The following SYN3 variants were observed in gnomAD, a reference collection of about 807,000 sequenced individuals.
SYN3 encodes synapsin-3.
In SYN3, 35 loss-of-function variants were observed where a neutral mutation model predicts 65.8. That is an observed-to-expected ratio of 0.53 (90% CI 0.41 to 0.70). SYN3 has a LOEUF of 0.70. Ranked by LOEUF, SYN3 falls within the 30% of genes least tolerant of loss-of-function variation. SYN3 has a pLI of 0.00. For missense variants in SYN3, 680 were observed against 749.0 expected, an observed-to-expected ratio of 0.91 and a Z score of 1.08; for synonymous variants, 270 against 292.9, an observed-to-expected ratio of 0.92 and a Z score of 0.80.
chr22:32,984,475 C>T (rs2052467171), intron 2 of SYN3, among the ~76,000 whole-genome samples: 1 of 152,202 alleles, frequency 6.6e-6, no homozygotes, highest in South Asian at 2.1e-4. Context: ...TTCCCCTCCC[C>T]AAATGGTTGT....
intron 6 of SYN3, among the ~76,000 whole-genome samples, chr22:32,641,047 C>T (rs977250148): frequency 4.6e-5 from 7 of 152,164 alleles, no homozygotes; most frequent in Admixed American, 2.6e-4. Context: ...TGCAGCAAAA[C>T]GGGGGTGACC....
chr22:32,980,723 G>C (rs1157713892), intron 2 of SYN3, 21 bp from the exon 3 acceptor site: 2 of 1,612,050 alleles, frequency 1.2e-6, no homozygotes, highest in Non-Finnish European at 1.7e-6. Flanking sequence ...GAAGAAATCA[G>C]CTGAGTAAGG....
intron 6 of SYN3, among the ~76,000 whole-genome samples, chr22:32,824,456 T>C (rs946818316): frequency 6.6e-6 from 1 of 151,998 alleles, no homozygotes; most frequent in Non-Finnish European, 1.5e-5. Context: ...CGTAGTCATA[T>C]AGGGACTGGC....
At chr22:32,634,324 C>T (rs532579046) in intron 6 of SYN3, among the ~76,000 whole-genome samples, 9 of 152,258 alleles carry the variant, frequency 5.9e-5, no homozygotes, top group South Asian at 2.1e-4. Flanking sequence ...AACCACTAGA[C>T]GATAGCATCT....
intron 2 of SYN3, among the ~76,000 whole-genome samples, chr22:32,998,789 A>AAC (rs1277564455): frequency 1.4e-5 from 2 of 141,462 alleles, no homozygotes; most frequent in African/African-American, 5.0e-5. Flanking sequence ...AAAAAAAAAA[A>AAC]AAAAAAAAAA....
At chr22:32,549,535 T>A (rs1222395180) in intron 7 of SYN3, among the ~76,000 whole-genome samples, 2 of 152,156 alleles carry the variant, frequency 1.3e-5, no homozygotes, top group African/African-American at 4.8e-5. Context: ...TTACAGACAT[T>A]AGTCACCATG....
intron 10 of SYN3, chr22:32,530,249 G>A (rs372317785): frequency 1.2e-4 from 18 of 152,206 alleles, no homozygotes; most frequent in African/African-American, 2.2e-4. Flanking sequence ...ACTAAGAAGC[G>A]CCGTATTTTA....
intron 7 of SYN3, among the ~76,000 whole-genome samples, chr22:32,586,054 G>GTA (rs2059031757): frequency 8.1e-6 from 1 of 123,954 alleles, no homozygotes; most frequent in African/African-American, 3.3e-5. Flanking sequence ...GTATATATGT[G>GTA]TATATGTATA....
chr22:32,531,273 G>A (rs1380240670), intron 10 of SYN3, among the ~76,000 whole-genome samples: 1 of 151,434 alleles, frequency 6.6e-6, no homozygotes, highest in East Asian at 1.9e-4. Context: ...GACAGGGACA[G>A]TCTCTCAGTC....
intron 6 of SYN3, among the ~76,000 whole-genome samples, chr22:32,691,751 T>G (rs2060664040): frequency 6.6e-6 from 1 of 151,450 alleles, no homozygotes; most frequent in Admixed American, 6.6e-5. Context: ...AAGCCAAGTA[T>G]AAGTGAGGCA....
intron 6 of SYN3, among the ~76,000 whole-genome samples, chr22:32,661,448 G>T (rs2060215339): frequency 6.6e-6 from 1 of 152,262 alleles, no homozygotes; most frequent in Non-Finnish European, 1.5e-5. Flanking sequence ...GCACATCAAT[G>T]GGGGAATTGT....
chr22:32,824,117 A>C (rs1464014740), intron 6 of SYN3, among the ~76,000 whole-genome samples: 1 of 151,934 alleles, frequency 6.6e-6, no homozygotes, highest in African/African-American at 2.4e-5. Context: ...TCTCTACTAA[A>C]AATACAAAAA....
At chr22:32,565,125 A>ACTGCACCCAAACAGTGCTCCCGGG (rs2058654010) in intron 7 of SYN3, among the ~76,000 whole-genome samples, 1 of 151,264 alleles carries the variant, frequency 6.6e-6, no homozygotes, top group African/African-American at 2.4e-5. Flanking sequence ...GTGCTCCCGG[A>ACTGCACCCAAACAGTGCTCCCGGG]CTGCACCCAA....
intron 7 of SYN3, among the ~76,000 whole-genome samples, chr22:32,546,980 G>GT (rs571571804): frequency 6.6e-6 from 1 of 150,398 alleles, no homozygotes; most frequent in East Asian, 2.0e-4. Context: ...ACTCTGTTTT[G>GT]TTTTTTTGTT....
chr22:32,872,730 A>C (rs749166035), intron 4 of SYN3, among the ~76,000 whole-genome samples: 10 of 152,100 alleles, frequency 6.6e-5, no homozygotes, highest in Non-Finnish European at 1.3e-4. Flanking sequence ...CTCTGTACCC[A>C]GCACCCCAGG....
At chr22:32,907,866 G>A (rs139814950) in intron 4 of SYN3, among the ~76,000 whole-genome samples, 2 of 152,212 alleles carry the variant, frequency 1.3e-5, no homozygotes, top group African/African-American at 4.8e-5. Flanking sequence ...GATTATAGAG[G>A]CTGACAATTA....
intron 12 of SYN3, among the ~76,000 whole-genome samples, chr22:32,520,134 T>G (rs2710366): frequency 4.6e-5 from 7 of 152,014 alleles, no homozygotes; most frequent in Non-Finnish European, 1.0e-4. Context: ...TGTATATAGG[T>G]ATGTATGTAT....
intron 4 of SYN3, among the ~76,000 whole-genome samples, chr22:32,925,122 G>A (rs554365629): frequency 5.3e-5 from 8 of 152,220 alleles, no homozygotes; most frequent in African/African-American, 1.4e-4. Flanking sequence ...GGCAGAGTTG[G>A]TTTTCTTTCT....
chr22:32,877,096 G>A (rs551317986), intron 4 of SYN3, among the ~76,000 whole-genome samples: 33 of 152,212 alleles, frequency 2.2e-4, no homozygotes, highest in African/African-American at 7.7e-4. Context: ...GTGCCCTCTG[G>A]CCCCAATTCC....
Sources: gnomAD v4.1 joint callset for allele counts (sites outside exome capture counted in the v4.1 genomes callset) on GRCh38, gnomAD v4.1.1 for gene constraint, MANE v1.5 for transcripts, NCBI Gene and HGNC (gene_info 2026-07-23, HGNC 2026-07-21) for gene names.